The following ADAM32 variants were observed in gnomAD, a reference collection of about 807,000 sequenced individuals.
The protein encoded by ADAM32 is disintegrin and metalloproteinase domain-containing protein 32.
In ADAM32, 89 loss-of-function variants were observed where a neutral mutation model predicts 114.9. The observed-to-expected ratio is 0.77, with a 90% CI of 0.65 to 0.92. The LOEUF is 0.92. ADAM32 is among the 40% of genes least tolerant of loss of function. The pLI, the probability that ADAM32 is intolerant of heterozygous loss-of-function variation, is 0.00. For synonymous variants in ADAM32, 285 were observed against 307.5 expected (o/e 0.93, Z 0.77); for missense variants, 870 against 932.8 (o/e 0.93, Z 0.88).
chr8:39,209,598 G>A (rs1585546408), intron 11 of ADAM32, among the ~76,000 whole-genome samples: 1 of 152,126 alleles, frequency 6.6e-6, no homozygotes, highest in African/African-American at 2.4e-5. Flanking sequence ...GGCCTTGTTT[G>A]TATTGGTCCT....
intron 3 of ADAM32, among the ~76,000 whole-genome samples, chr8:39,139,531 T>G (rs1803013390): frequency 6.6e-6 from 1 of 152,232 alleles, no homozygotes; most frequent in Non-Finnish European, 1.5e-5. Context: ...TCCATTGGTC[T>G]ATATCTCTGT....
At chr8:39,122,381 G>T (rs964672483) in intron 2 of ADAM32, among the ~76,000 whole-genome samples, 2 of 152,054 alleles carry the variant, frequency 1.3e-5, no homozygotes, top group East Asian at 1.9e-4. Context: ...TGATTGGACT[G>T]GTGTCCTTAT....
intron 17 of ADAM32, among the ~76,000 whole-genome samples, chr8:39,250,973 A>G (rs545115565): frequency 6.6e-6 from 1 of 152,018 alleles, no homozygotes; most frequent in Admixed American, 6.6e-5. Flanking sequence ...AATAACTTCC[A>G]GTTCCATCCA....
chr8:39,278,818 A>G (rs999498827), intron 22 of ADAM32, among the ~76,000 whole-genome samples: 1 of 152,014 alleles, frequency 6.6e-6, no homozygotes, highest in African/African-American at 2.4e-5. Context: ...GTGATTCTGT[A>G]TTATCAACAT....
intron 2 of ADAM32, among the ~76,000 whole-genome samples, chr8:39,132,665 A>C (rs1015572874): frequency 6.6e-6 from 1 of 152,168 alleles, no homozygotes; most frequent in Non-Finnish European, 1.5e-5. Flanking sequence ...AGCCTAAATA[A>C]ATTTCTTCAG....
intron 12 of ADAM32, among the ~76,000 whole-genome samples, chr8:39,214,472 C>T (rs963789223): frequency 6.6e-6 from 1 of 152,062 alleles, no homozygotes; most frequent in Non-Finnish European, 1.5e-5. Context: ...ACCTGTTTGC[C>T]ATTTGTATGT....
intron 1 of ADAM32, among the ~76,000 whole-genome samples, chr8:39,110,346 C>T (rs1164079816): frequency 1.3e-5 from 2 of 152,230 alleles, no homozygotes; most frequent in Admixed American, 6.5e-5. Context: ...GCTAGGATTA[C>T]AGGCATGAGC....
At chr8:39,213,452 C>A (rs554315935) in intron 12 of ADAM32, among the ~76,000 whole-genome samples, 1 of 150,894 alleles carries the variant, frequency 6.6e-6, no homozygotes, top group South Asian at 2.1e-4. Context: ...ATTTTAGATC[C>A]CTTAACCAAC....
Position 39,198,738 on chromosome 8 carries a change from CA to C in ADAM32, c.1052+11694del, listed in dbSNP as rs557461707. Among the ~76,000 whole-genome samples, 24 of 67,174 alleles carry C rather than the reference CA, an allele frequency of 3.6e-4. No homozygotes were observed. In the South Asian group the frequency reaches 0.024, roughly 67 times the overall value. The allele number at this position is 67,174 out of a possible 152,430, so 44.1% of individuals were successfully genotyped here. ...TAATTTGGGTTGTGATAGCGTTTAACATTTTTTTTTTCTCTTCTCCTTTTCT... is the reference window on the plus strand; with the variant it reads ...TAATTTGGGTTGTGATAGCGTTTAACTTTTTTTTTTCTCTTCTCCTTTTCT... On this transcript the variant is annotated intron_variant, in intron 11 of 24. Coordinates refer to ENST00000379907, the MANE Select transcript of ADAM32 (RefSeq NM_145004.7).
chr8:39,121,010 A>C (rs1392807298), intron 2 of ADAM32, among the ~76,000 whole-genome samples: 1 of 152,176 alleles, frequency 6.6e-6, no homozygotes, highest in Non-Finnish European at 1.5e-5. Flanking sequence ...TGCAAAATGC[A>C]AGAGAAGAGA....
chr8:39,149,578 A>T (rs1323289029), intron 4 of ADAM32, among the ~76,000 whole-genome samples: 1 of 152,162 alleles, frequency 6.6e-6, no homozygotes, highest in Non-Finnish European at 1.5e-5. Flanking sequence ...TAAAATAGTA[A>T]TCTCAAGTCA....
chr8:39,148,486 T>C (rs975556723), intron 4 of ADAM32, among the ~76,000 whole-genome samples: 1 of 152,036 alleles, frequency 6.6e-6, no homozygotes, highest in Non-Finnish European at 1.5e-5. Context: ...TTTACCTTTT[T>C]TTTTTTTGCC....
intron 1 of ADAM32, chr8:39,108,127 T>A (rs1840003846): frequency 3.1e-6 from 1 of 318,554 alleles, no homozygotes; most frequent in African/African-American, 2.1e-5. Flanking sequence ...TACAAAAAAA[T>A]TTAAAAAAAT....
chr8:39,158,192 G>A (rs552871792), intron 6 of ADAM32: 271 of 148,678 alleles, frequency 1.8e-3, no homozygotes, highest in Non-Finnish European at 3.0e-3. Context: ...TCCATTAGGT[G>A]GGTCTTCTTC....
chr8:39,111,164 C>T (rs1468673263), intron 1 of ADAM32, among the ~76,000 whole-genome samples: 1 of 152,106 alleles, frequency 6.6e-6, no homozygotes, highest in African/African-American at 2.4e-5. Context: ...TTGATTGTTT[C>T]CAACTTTTGG....
chr8:39,131,145 AGG>A (rs1487597865), intron 2 of ADAM32, among the ~76,000 whole-genome samples: 1 of 151,722 alleles, frequency 6.6e-6, no homozygotes, highest in Non-Finnish European at 1.5e-5. Flanking sequence ...TTTAGTAGAG[AGG>A]GGATTTCACC....
chr8:39,247,680 T>C (rs1811014968), intron 17 of ADAM32, among the ~76,000 whole-genome samples: 1 of 152,212 alleles, frequency 6.6e-6, no homozygotes, highest in Middle Eastern at 3.4e-3. Context: ...CAGAGAATGT[T>C]TTAATTTTAT....
intron 10 of ADAM32, among the ~76,000 whole-genome samples, chr8:39,184,651 T>G (rs1332410704): frequency 6.6e-6 from 1 of 152,138 alleles, no homozygotes; most frequent in East Asian, 1.9e-4. Context: ...GTGGAAGGCT[T>G]GGGGGAATAG....
rs147220700 is a variant in ADAM32, at chr8:39,124,505, C to T, written c.138+6340C>T. Among the ~76,000 whole-genome samples, 564 of 151,836 alleles carry T rather than the reference C, an allele frequency of 3.7e-3. 2 individuals carry two copies. The highest frequency in any genetic ancestry group is 0.013 in the African/African-American group (542 of 41,382). On this transcript the variant is annotated intron_variant, in intron 2 of 24. Transcript: ENST00000379907. ...TGATCTCTGCTCACTGCAAGCTCCA[C>T]CTCCCGGGTTCATGCCATTCTCCTG...
Sources: gnomAD v4.1 joint callset for allele counts (sites outside exome capture counted in the v4.1 genomes callset) on GRCh38, gnomAD v4.1.1 for gene constraint, MANE v1.5 for transcripts, NCBI Gene and HGNC (gene_info 2026-07-23, HGNC 2026-07-21) for gene names.